Variants in ASXL3 observed in about 807,000 individuals in gnomAD.
ASXL3 encodes the protein ASXL transcriptional regulator 3.
In ASXL3, 34 loss-of-function variants were observed where a neutral mutation model predicts 170.6. That is an observed-to-expected ratio of 0.20 (90% confidence interval 0.15 to 0.27). The LOEUF (loss-of-function observed/expected upper bound fraction) is 0.27, where lower values mean the gene tolerates loss of function less well. ASXL3 is among the 10% of genes least tolerant of loss of function. ASXL3 has a pLI of 1.00. For missense variants in ASXL3, 2,592 were observed against 2,695.3 expected (o/e 0.96, Z 0.85); for synonymous variants, 1,002 against 989.1 (o/e 1.01, Z -0.24).
At chr18:33,704,258 A>G (rs1368005866) in intron 8 of ASXL3, among the ~76,000 whole-genome samples, 1 of 152,138 alleles carries the variant, frequency 6.6e-6, no homozygotes, top group Non-Finnish European at 1.5e-5. Context: ...ACATTCAAGA[A>G]AAGTTGCAGT....
chr18:33,703,021 AG>A (rs1393142843), intron 8 of ASXL3, among the ~76,000 whole-genome samples: 1 of 152,140 alleles, frequency 6.6e-6, no homozygotes, highest in Non-Finnish European at 1.5e-5. Flanking sequence ...GTTCCTTTGC[AG>A]AGTATTTTTT....
chr18:33,593,955 T>C (rs2065102343), intron 1 of ASXL3, among the ~76,000 whole-genome samples: 1 of 152,200 alleles, frequency 6.6e-6, no homozygotes, highest in Non-Finnish European at 1.5e-5. Flanking sequence ...TTATATCCCC[T>C]ATTACTGGAA....
chr18:33,702,544 A>G (rs2066890807), intron 8 of ASXL3, among the ~76,000 whole-genome samples: 1 of 152,192 alleles, frequency 6.6e-6, no homozygotes, highest in Non-Finnish European at 1.5e-5. Context: ...ATGAATGGCT[A>G]AGTGAAAGGT....
chr18:33,603,992 C>T (rs994546931), intron 1 of ASXL3, among the ~76,000 whole-genome samples: 1 of 151,978 alleles, frequency 6.6e-6, no homozygotes, highest in Non-Finnish European at 1.5e-5. Flanking sequence ...TACAGATATT[C>T]TTAGCGAAAC....
intron 10 of ASXL3, 43 bp downstream of exon 10, chr18:33,734,458 T>A: frequency 7.5e-7 from 1 of 1,337,444 alleles, no homozygotes; most frequent in Non-Finnish European, 1.0e-6. Context: ...GAGAAAGAAA[T>A]GAAAATGTAA....
intron 8 of ASXL3, among the ~76,000 whole-genome samples, chr18:33,730,567 T>A (rs2067426066): frequency 6.6e-6 from 1 of 152,124 alleles, no homozygotes; most frequent in South Asian, 2.1e-4. Flanking sequence ...GCTGAGACAT[T>A]CATTCATATA....
rs778292189 is a variant in ASXL3 at position 33,743,928 on chromosome 18, T to C, written c.4080T>C (p.Ile1360=). 1 of 1,613,940 alleles carries C rather than the reference T, an allele frequency of 6.2e-7. No individual in the cohort carries two copies. Among genetic ancestry groups the C allele is most frequent in the Non-Finnish European group, 8.5e-7 (1 of 1,179,886 alleles). The change falls in exon 12 of 12, where the codon ATT becomes ATC. Residue 1360 remains isoleucine (I), a synonymous_variant. Transcript: ENST00000269197. The stretch of plus-strand genomic sequence containing the variant: ...ACCTCTCCACTAGCTCTGTCTTGAT[T>C]CCCCCAATGGGAATTAACAACAGAT... The part of the protein sequence containing the change: ...LPNLSTSSVL[I]PPMGINNRFP...
chr18:33,624,325 C>T (rs2065565189), intron 2 of ASXL3, among the ~76,000 whole-genome samples: 1 of 151,192 alleles, frequency 6.6e-6, no homozygotes, highest in Non-Finnish European at 1.5e-5. Context: ...GAAGTTAAAA[C>T]TTTATGTAGC....
rs1319437410 is a variant in ASXL3 at position 33,747,412 on chromosome 18, T to TG, written c.*818dup. 1 of 143,048 alleles carries TG rather than the reference T, an allele frequency of 7.0e-6. No individual in the cohort carries two copies. The highest frequency in any genetic ancestry group is 2.6e-5 in the African/African-American group (1 of 38,146). The allele number at this position is 143,048 out of a possible 1,614,324, so 8.9% of individuals were successfully genotyped here. On this transcript the variant is annotated 3_prime_UTR_variant, in exon 12 of 12. Coordinates refer to ENST00000269197, the MANE Select transcript of ASXL3 (RefSeq NM_030632.3). ...CATGTGTGGCTTTTAAGAGCAGGTT[T>TG]GAAAAAAAAAAAAAAAAGACCCTAA... is the stretch of plus-strand genomic sequence containing the variant.
chr18:33,653,837 G>A (rs1346758135), intron 4 of ASXL3, among the ~76,000 whole-genome samples: 1 of 151,276 alleles, frequency 6.6e-6, no homozygotes, highest in Non-Finnish European at 1.5e-5. Context: ...GAAATCTTTT[G>A]TGCTTTTAAT....
chr18:33,660,845 A>C (rs1222500378), intron 4 of ASXL3, among the ~76,000 whole-genome samples: 1 of 152,174 alleles, frequency 6.6e-6, no homozygotes, highest in Non-Finnish European at 1.5e-5. Context: ...AACTAAAGGT[A>C]GAGTTCTGGC....
Position 33,744,067 on chromosome 18 carries a change from C to A in ASXL3, c.4219C>A (p.Leu1407Met). 1 of 1,614,048 alleles carries A rather than the reference C, an allele frequency of 6.2e-7. No individual in the cohort carries two copies. The highest frequency in any genetic ancestry group is 8.5e-7 in the Non-Finnish European group (1 of 1,179,910). The change falls in exon 12 of 12, where the codon CTG becomes ATG. Residue 1407 changes from leucine (L) to methionine (M), a missense_variant. By Grantham distance (15) the Leu-to-Met change is conservative (BLOSUM62 2). Coordinates refer to ENST00000269197, the MANE Select transcript of ASXL3 (RefSeq NM_030632.3). The stretch of plus-strand genomic sequence containing the variant: ...TGATTCTGTAGCGGTCACAGACTCT[C>A]TGGTTGCACACCCGACCGTCGCAAT... ...CSDSVAVTDS[L>M]VAHPTVAMFT...
chr18:33,612,840 C>G (rs1285047446), intron 2 of ASXL3, among the ~76,000 whole-genome samples: 1 of 152,062 alleles, frequency 6.6e-6, no homozygotes, highest in African/African-American at 2.4e-5. Context: ...AAAATCAATT[C>G]TTATCTGCAG....
chr18:33,689,322 G>C (rs966831021), intron 8 of ASXL3, among the ~76,000 whole-genome samples: 2 of 152,206 alleles, frequency 1.3e-5, no homozygotes, highest in African/African-American at 4.8e-5. Context: ...AAACAAGGAT[G>C]TGTTGTCTTA....
rs142418477 is a variant in ASXL3, at chr18:33,585,547, A to G, written c.54+6862A>G. ...ACTGTTGCTGGTTTTAATGTCAGCA[A>G]CTGACAACACTAAATTGGGAATAGG... On this transcript the variant is annotated intron_variant, in intron 1 of 11. Transcript: ENST00000269197. Among the ~76,000 whole-genome samples, 188 of 152,280 alleles carry G rather than the reference A, an allele frequency of 1.2e-3. 4 individuals carry two copies. The East Asian group carries it at 0.03, about 24-fold the overall frequency.
chr18:33,586,236 C>A (rs187907707), intron 1 of ASXL3, among the ~76,000 whole-genome samples: 70 of 152,104 alleles, frequency 4.6e-4, no homozygotes, highest in Non-Finnish European at 8.4e-4. Flanking sequence ...TAAATTACTA[C>A]ATATGTAATC....
chr18:33,681,570 A>C (rs2066516356), intron 7 of ASXL3, among the ~76,000 whole-genome samples: 1 of 151,974 alleles, frequency 6.6e-6, no homozygotes, highest in Non-Finnish European at 1.5e-5. Flanking sequence ...CTTGGAGATA[A>C]TCAATTTTTT....
rs377458064 is a variant in ASXL3 at position 33,744,508 on chromosome 18, G to A, written c.4660G>A (p.Ala1554Thr). 2 of 1,612,012 alleles carry A rather than the reference G, an allele frequency of 1.2e-6. No homozygotes were observed. The highest frequency in any genetic ancestry group is 1.3e-5 in the African/African-American group (1 of 74,910). ...AAKQDSKTLPATCTSLRELPL... is the reference protein window; with the variant it reads ...AAKQDSKTLPTTCTSLRELPL... Reference sequence around the variant, plus strand: ...AAAACAAGACAGTAAAACATTGCCGGCCACCTGCACAAGTCTCCGAGAATT... The same window carrying A: ...AAAACAAGACAGTAAAACATTGCCGACCACCTGCACAAGTCTCCGAGAATT... The change falls in exon 12 of 12, where the codon GCC becomes ACC. Residue 1554 changes from alanine to threonine, a missense_variant. Ala to Thr is a moderately conservative substitution (Grantham distance 58, BLOSUM62 0). Around this residue, in one of 4 missense-constraint regions of ASXL3, gnomAD observed 2,246 missense variants for 2,219.6 expected, o/e 1.01. Coordinates refer to ENST00000269197, the MANE Select transcript of ASXL3 (RefSeq NM_030632.3).
intron 2 of ASXL3, among the ~76,000 whole-genome samples, chr18:33,621,197 A>G (rs2065507640): frequency 6.6e-6 from 1 of 152,198 alleles, no homozygotes; most frequent in Non-Finnish European, 1.5e-5. Context: ...GGCTTAGGAA[A>G]AGTGAGTGAG....
Sources: allele counts gnomAD v4.1 joint callset (sites outside exome capture counted in the v4.1 genomes callset), GRCh38; gene constraint gnomAD v4.1.1; regional missense constraint gnomAD v4.1.1; transcripts MANE v1.5; gene names NCBI Gene and HGNC (gene_info 2026-07-23, HGNC 2026-07-21).